The following TRANK1 variants were observed in gnomAD, a reference collection of about 807,000 sequenced individuals.
TRANK1 encodes tetratricopeptide repeat and ankyrin repeat containing 1.
Under a neutral mutation model 266.0 loss-of-function variants are expected in TRANK1, and 198 were observed. The ratio of observed to expected loss-of-function variants is 0.74; its 90% CI spans 0.66 to 0.84. The LOEUF is 0.84. TRANK1 is among the 40% of genes least tolerant of loss of function. The probability of loss-of-function intolerance (pLI) is 0.00; values close to 1 mark genes in which losing one functional copy is unlikely to be tolerated. For synonymous variants in TRANK1, 1,396 were observed against 1,384.1 expected, an observed-to-expected ratio of 1.01 and a Z score of -0.19; for missense variants, 3,326 against 3,634.6, an observed-to-expected ratio of 0.92 and a Z score of 2.18.
Position 36,827,908 on chromosome 3 carries a change from G to T in TRANK1, c.*367C>A. On this transcript the variant is annotated 3_prime_UTR_variant, in exon 24 of 24. Coordinates refer to ENST00000645898, the MANE Select transcript of TRANK1 (RefSeq NM_001329998.2). The stretch of plus-strand genomic sequence containing the variant: ...CCAGAGCAGCAGCAACTGAGGTGAG[G>T]AGAGTCTGTCCTAACACCTAGTCCT... The T allele has an allele frequency of 5.8e-6, 1 of 173,246 alleles. No individual in the cohort carries two copies. Among genetic ancestry groups the T allele is most frequent in the Non-Finnish European group, 1.2e-5 (1 of 80,756 alleles). 10.7% of individuals were successfully genotyped at this position (173,246 alleles called of 1,614,324 possible).
Position 36,857,203 on chromosome 3 carries a change from GA to G in TRANK1, c.2518del (p.Ser840GlnfsTer4), listed in dbSNP as rs1429604301. On this transcript the variant is annotated frameshift_variant, in exon 13 of 24. Transcript: ENST00000645898. LOFTEE classifies it high-confidence loss of function. This position sits in a 1 kb window ranked among gnomAD's most constrained non-coding sequence, Gnocchi z 4.3. ...DNMTWEIECT[S>X]EMLKKLSSKV... is the part of the protein sequence containing the mutation. ...ACTAGACAGCTTCTTCAGCATTTCT[GA>G]AGTGCACTCGATCTCCCAGGTCATG... 1 of 1,613,810 alleles carries G rather than the reference GA, an allele frequency of 6.2e-7. No homozygotes were observed. The highest frequency in any genetic ancestry group is 1.3e-5 in the African/African-American group (1 of 74,936).
chr3:36,878,457 C>T (rs2079421818), intron 8 of TRANK1, among the ~76,000 whole-genome samples: 1 of 152,166 alleles, frequency 6.6e-6, no homozygotes, highest in African/African-American at 2.4e-5. Context: ...GATTAGTTTC[C>T]GTGAGCAACG....
At chr3:36,829,472 G>A (rs2078666817) in intron 23 of TRANK1, 92 bp downstream of exon 23, 4 of 1,229,046 alleles carry the variant, frequency 3.3e-6, no homozygotes, top group Admixed American at 1.8e-5. Context: ...ACATCACTGG[G>A]CTGCCCCACT....
intron 1 of TRANK1, among the ~76,000 whole-genome samples, chr3:36,937,826 T>TAC (rs1168689879): frequency 6.6e-6 from 1 of 151,918 alleles, no homozygotes; most frequent in African/African-American, 2.4e-5. Flanking sequence ...GAAAAGGGAG[T>TAC]ACACCAGGCA....
chr3:36,830,606 C>G (rs2078679561), intron 22 of TRANK1, among the ~76,000 whole-genome samples: 1 of 152,228 alleles, frequency 6.6e-6, no homozygotes, highest in African/African-American at 2.4e-5. Flanking sequence ...TTTTAACCCT[C>G]TGTAGGAAGA....
intron 17 of TRANK1, among the ~76,000 whole-genome samples, chr3:36,845,710 T>TC (rs1228070708): frequency 1.3e-5 from 2 of 152,216 alleles, no homozygotes; most frequent in African/African-American, 4.8e-5. Flanking sequence ...ACATCCTTTT[T>TC]CTCTTTAATG....
chr3:36,833,166 T>C lies in TRANK1; in HGVS notation c.6417A>G (p.Arg2139=), dbSNP rs1395990218. ...IAQNDPGPIL[R]IIFDLDLNLR... ...AGTTCAAATCCAGGTCAAAAATTAT[T>C]CTTAATATGGGCCCAGGGTCATTCT... Residue 2139 remains arginine (R), a synonymous_variant, in exon 22 of 24, where the codon AGA becomes AGG. Coordinates refer to ENST00000645898, the MANE Select transcript of TRANK1 (RefSeq NM_001329998.2). The C allele has an allele frequency of 6.2e-7, 1 of 1,613,732 alleles. No individual in the cohort carries two copies. Among genetic ancestry groups the C allele is most frequent in the East Asian group, 2.2e-5 (1 of 44,880 alleles).
At chr3:36,876,899 T>C (rs997443538) in intron 8 of TRANK1, among the ~76,000 whole-genome samples, 2 of 152,150 alleles carry the variant, frequency 1.3e-5, no homozygotes, top group African/African-American at 2.4e-5. Context: ...GAGCTAACCA[T>C]ATCTAGACGG....
At chr3:36,920,859 C>T (rs928752818) in intron 1 of TRANK1, among the ~76,000 whole-genome samples, 3 of 152,168 alleles carry the variant, frequency 2.0e-5, no homozygotes, top group African/African-American at 7.2e-5. Flanking sequence ...TGGCAGCAAA[C>T]GAGGAGTTGG....
chr3:36,944,311 C>A (rs1575347214), intron 1 of TRANK1, among the ~76,000 whole-genome samples: 1 of 152,182 alleles, frequency 6.6e-6, no homozygotes, highest in African/African-American at 2.4e-5. Flanking sequence ...AAGAGGCCAG[C>A]GCGCTCCAAG....
Position 36,838,727 on chromosome 3 carries a change from CA to C in TRANK1, c.5281-12del. ...ACACTTGGCTGCAACCTGGAATAGG[CA>C]AAAAGTTTTATTCCCAGCAAGGTAA... On this transcript the variant is annotated splice_polypyrimidine_tract_variant and intron_variant, in intron 18 of 23. Transcript: ENST00000645898. 1 of 1,609,976 alleles carries C rather than the reference CA, an allele frequency of 6.2e-7. No individual in the cohort carries two copies. Among genetic ancestry groups the C allele is most frequent in the Non-Finnish European group, 8.5e-7 (1 of 1,178,038 alleles).
In TRANK1 at chr3:36,833,536, G is replaced by A; in HGVS notation, c.6047C>T (p.Ala2016Val). The change falls in exon 22 of 24, where the codon GCA (alanine) becomes GTA (valine). Residue 2016 changes from alanine to valine, a missense_variant. Transcript: ENST00000645898. Reference sequence around the variant, plus strand: ...GCCAGTTTGATAGCAGATATCAAGTGCTTCTCTCAGAATGTCCTTGGTGTG... The same window carrying A: ...GCCAGTTTGATAGCAGATATCAAGTACTTCTCTCAGAATGTCCTTGGTGTG... ...IEHTKDILRE[A>V]LDICYQTGQL... 3 of 1,613,906 alleles carry A rather than the reference G, an allele frequency of 1.9e-6. No individual in the cohort carries two copies. Among genetic ancestry groups the A allele is most frequent in the Middle Eastern group, 1.7e-4 (1 of 6,060 alleles).
At chr3:36,907,299 C>T (rs552634295) in intron 2 of TRANK1, among the ~76,000 whole-genome samples, 6 of 151,744 alleles carry the variant, frequency 4.0e-5, no homozygotes, top group South Asian at 2.1e-4. Flanking sequence ...TACAGGCGTG[C>T]GCCACTACGC....
Position 36,856,318 on chromosome 3 carries a change from T to G in TRANK1, c.3404A>C (p.Glu1135Ala). ...ATCTTCCTCTTCCTCGTCCTCTTCCTCCTCCTCTTCCTCCCCACCTGGACT... is the reference window on the plus strand; with the variant it reads ...ATCTTCCTCTTCCTCGTCCTCTTCCGCCTCCTCTTCCTCCCCACCTGGACT... The part of the protein sequence containing the change: ...KESPGGEEEE[E>A]EEDEEEEDSI... The change falls in exon 13 of 24, where the codon GAG becomes GCG. Residue 1135 changes from glutamate to alanine, a missense_variant. Coordinates refer to ENST00000645898, the MANE Select transcript of TRANK1 (RefSeq NM_001329998.2). The G allele has an allele frequency of 6.4e-7, 1 of 1,574,280 alleles. No homozygotes were observed.
chr3:36,842,758 C>T (rs764719156), intron 17 of TRANK1, 48 bp from the exon 18 acceptor site: 7 of 1,543,602 alleles, frequency 4.5e-6, no homozygotes, highest in African/African-American at 1.4e-5. Context: ...CTTTCTTTCA[C>T]TTAAAACTGT....
intron 1 of TRANK1, among the ~76,000 whole-genome samples, chr3:36,915,243 G>A (rs9818444): frequency 0.033 from 5,029 of 152,230 alleles, 263 homozygotes; most frequent in African/African-American, 0.11. Context: ...GAGCCACCGC[G>A]CCAGGCCTAC....
At chr3:36,941,773 C>G (rs1316870069) in intron 1 of TRANK1, among the ~76,000 whole-genome samples, 1 of 152,186 alleles carries the variant, frequency 6.6e-6, no homozygotes, top group Non-Finnish European at 1.5e-5. Context: ...CTTTGCTGCC[C>G]CAAGTCTTTC....
At chr3:36,905,144 CG>C (rs1388476652) in intron 2 of TRANK1, among the ~76,000 whole-genome samples, 4 of 151,892 alleles carry the variant, frequency 2.6e-5, no homozygotes, top group Non-Finnish European at 2.9e-5. Context: ...AAAAATTAGC[CG>C]GGCGTGGTGG....
At position 36,899,192 on chromosome 3, in the gene TRANK1, A is replaced by G. The variant is rs1364208101; in HGVS notation, c.350T>C (p.Phe117Ser). ...TCTCTGCACAAGTCGCAGACCCTCA[A>G]AAAACATGCGAGCGGCTTCGTAAGG... Reference protein sequence around the residue: ...HQPYEAARMFFEGLRLVQRSQ... With the variant: ...HQPYEAARMFSEGLRLVQRSQ... Residue 117 changes from phenylalanine to serine, a missense_variant, in exon 4 of 24, where the codon TTT (phenylalanine) becomes TCT (serine). By Grantham distance (155) the Phe-to-Ser change is radical. Coordinates refer to ENST00000645898, the MANE Select transcript of TRANK1 (RefSeq NM_001329998.2). The G allele has an allele frequency of 6.5e-7, 1 of 1,537,172 alleles. No homozygotes were observed. Among genetic ancestry groups the G allele is most frequent in the Non-Finnish European group, 8.7e-7 (1 of 1,146,930 alleles).
Sources: gnomAD v4.1 joint callset for allele counts (sites outside exome capture counted in the v4.1 genomes callset) on GRCh38, gnomAD v4.1.1 for gene constraint, Gnocchi (gnomAD v3.1) non-coding constraint, MANE v1.5 for transcripts, NCBI Gene and HGNC (gene_info 2026-07-23, HGNC 2026-07-21) for gene names.